The following RAC3 variants were observed in gnomAD, a reference collection of about 807,000 sequenced individuals.
The protein encoded by RAC3 is Rac family small GTPase 3, also known as ras-related C3 botulinum toxin substrate 3.
Under a neutral mutation model 19.0 loss-of-function variants are expected in RAC3, and 9 were observed. The ratio of observed to expected loss-of-function variants is 0.47; its 90% CI spans 0.29 to 0.83. RAC3 has a LOEUF of 0.83. RAC3 is among the 40% of genes least tolerant of loss of function. The pLI, the probability that RAC3 is intolerant of heterozygous loss-of-function variation, is 0.09. For synonymous variants in RAC3, 146 were observed against 111.8 expected, an observed-to-expected ratio of 1.31 and a Z score of -1.93; for missense variants, 203 against 260.8, an observed-to-expected ratio of 0.78 and a Z score of 1.53.
chr17:82,033,410 G>T lies in RAC3; in HGVS notation c.289-30G>T, dbSNP rs754823531. On this transcript the variant is annotated intron_variant, in intron 4 of 5. Coordinates refer to ENST00000306897, the MANE Select transcript of RAC3 (RefSeq NM_005052.3). This position sits in a 1 kb window ranked among gnomAD's most constrained non-coding sequence, Gnocchi z 6.2. ...GTGGGGCTGGGGTAGCCGACTCCGGGCCTAGGGATCAGAGCGTCTGTCCCT... is the reference window on the plus strand; with the variant it reads ...GTGGGGCTGGGGTAGCCGACTCCGGTCCTAGGGATCAGAGCGTCTGTCCCT... 6.4e-6 allele frequency: 10 copies of T among 1,556,766 alleles called. No individual in the cohort carries two copies. The East Asian group carries it at 2.3e-4, about 35-fold the overall frequency.
Position 82,033,102 on chromosome 17 carries a change from C to G in RAC3, c.288+93C>G, listed in dbSNP as rs1271082852. On this transcript the variant is annotated intron_variant, in intron 4 of 5. Coordinates refer to ENST00000306897, the MANE Select transcript of RAC3 (RefSeq NM_005052.3). This position sits in a 1 kb window ranked among gnomAD's most constrained non-coding sequence, Gnocchi z 6.2. ...TTTAGAGGCAATTGCGATACGGGTT[C>G]TGCCTGGGGTAGGCACACGGAGTGG... 1.5e-6 allele frequency: 2 copies of G among 1,362,026 alleles called. No homozygotes were observed. The highest frequency in any genetic ancestry group is 1.4e-5 in the African/African-American group (1 of 69,714). The allele number at this position is 1,362,026 out of a possible 1,614,324, so 84.4% of individuals were successfully genotyped here.
chr17:82,033,544 C>T lies in RAC3; in HGVS notation c.393C>T (p.Asp131=). 6.2e-7 allele frequency: 1 copy of T among 1,612,848 alleles called. No homozygotes were observed. The highest frequency in any genetic ancestry group is 8.5e-7 in the Non-Finnish European group (1 of 1,179,776). ...DDKDTIERLR[D]KKLAPITYPQ... is the part of the protein sequence containing the mutation. The stretch of plus-strand genomic sequence containing the variant: ...AGGACACCATTGAGCGGCTGCGGGA[C>T]AAGAAGCTGGCACCCATCACCTACC... The change falls in exon 5 of 6, where the codon GAC becomes GAT. Residue 131 remains aspartate, a synonymous_variant. Transcript: ENST00000306897. The surrounding 1 kb of genome is among the most constrained non-coding windows in gnomAD (Gnocchi z 6.2).
In RAC3 at chr17:82,033,814, G is replaced by A. The variant is rs2043456830; in HGVS notation, c.564G>A (p.Lys188=). ...CPPPVKKPGK[K]CTVF ...CCCCAGTGAAGAAGCCGGGGAAGAAGTGCACCGTCTTCTAGAGCCCTGGCC... is the reference window on the plus strand; with the variant it reads ...CCCCAGTGAAGAAGCCGGGGAAGAAATGCACCGTCTTCTAGAGCCCTGGCC... Residue 188 remains lysine, a synonymous_variant, in exon 6 of 6, where the codon AAG becomes AAA. Transcript: ENST00000306897. The surrounding 1 kb of genome is among the most constrained non-coding windows in gnomAD (Gnocchi z 6.2). 1 of 1,605,092 alleles carries A rather than the reference G, an allele frequency of 6.2e-7. No individual in the cohort carries two copies. Among genetic ancestry groups the A allele is most frequent in the Non-Finnish European group, 8.5e-7 (1 of 1,176,368 alleles).
intron 1 of RAC3, chr17:82,032,082 G>A (rs2043436342): frequency 1.1e-5 from 4 of 362,296 alleles, no homozygotes; most frequent in Admixed American, 8.7e-5. Context: ...GTGGGGCCAG[G>A]CCTCTCACCT....
At chr17:82,031,823 G>A in intron 1 of RAC3, 27 bp downstream of exon 1, 3 of 982,020 alleles carry the variant, frequency 3.1e-6, no homozygotes, top group Non-Finnish European at 3.6e-6. Context: ...GAGGCCGCTT[G>A]GCTGGGCTGG....
chr17:82,033,532 G>A lies in RAC3; in HGVS notation c.381G>A (p.Glu127=), dbSNP rs145595498. The A allele has an allele frequency of 4.0e-5, 65 of 1,612,934 alleles. No homozygotes were observed. The African/African-American group carries it at 8.1e-4, about 20-fold the overall frequency. Reference sequence around the variant, plus strand: ...TCCGCGACGACAAGGACACCATTGAGCGGCTGCGGGACAAGAAGCTGGCAC... The same window carrying A: ...TCCGCGACGACAAGGACACCATTGAACGGCTGCGGGACAAGAAGCTGGCAC... ...LDLRDDKDTI[E]RLRDKKLAPI... is the part of the protein sequence containing the mutation. Residue 127 remains glutamate (E), a synonymous_variant, in exon 5 of 6, where the codon GAG becomes GAA. Coordinates refer to ENST00000306897, the MANE Select transcript of RAC3 (RefSeq NM_005052.3). This position sits in a 1 kb window ranked among gnomAD's most constrained non-coding sequence, Gnocchi z 6.2.
chr17:82,031,843 G>C, intron 1 of RAC3, 47 bp downstream of exon 1: 1 of 899,514 alleles, frequency 1.1e-6, no homozygotes, highest in Non-Finnish European at 1.3e-6. Flanking sequence ...GGCGGGAGGG[G>C]GGCTCGGGGG....
intron 3 of RAC3, 49 bp from the exon 4 acceptor site, chr17:82,032,898 G>A: frequency 1.2e-6 from 2 of 1,609,968 alleles, no homozygotes; most frequent in South Asian, 1.1e-5. Context: ...AGGGAGCAGG[G>A]CCCTGGGGAG....
At chr17:82,032,480 G>C (rs371297819) in intron 2 of RAC3, 22 bp downstream of exon 2, 8 of 1,610,796 alleles carry the variant, frequency 5.0e-6, no homozygotes, top group Non-Finnish European at 5.1e-6. Flanking sequence ...GGCTTCCCGG[G>C]AGAGCACAGG....
Position 82,033,337 on chromosome 17 carries a change from T to G in RAC3, c.289-103T>G. 1 of 1,311,724 alleles carries G rather than the reference T, an allele frequency of 7.6e-7. No individual in the cohort carries two copies. Among genetic ancestry groups the G allele is most frequent in the Non-Finnish European group, 1.0e-6 (1 of 979,312 alleles). The allele number at this position is 1,311,724 out of a possible 1,614,324, so 81.3% of individuals were successfully genotyped here. ...CCCTTGAAGGAAGAAGAGCCAAGTG[T>G]AGCTCTGGAACAGTGGGGAAAGTCC... On this transcript the variant is annotated intron_variant, in intron 4 of 5. Coordinates refer to ENST00000306897, the MANE Select transcript of RAC3 (RefSeq NM_005052.3). This position sits in a 1 kb window ranked among gnomAD's most constrained non-coding sequence, Gnocchi z 6.2.
Position 82,033,079 on chromosome 17 carries a change from T to C in RAC3, c.288+70T>C. On this transcript the variant is annotated intron_variant, in intron 4 of 5. Coordinates refer to ENST00000306897, the MANE Select transcript of RAC3 (RefSeq NM_005052.3). This position sits in a 1 kb window ranked among gnomAD's most constrained non-coding sequence, Gnocchi z 6.2. ...GTACCTGCCCCGACAAGTTGTCCTTTAGAGGCAATTGCGATACGGGTTCTG... is the reference window on the plus strand; with the variant it reads ...GTACCTGCCCCGACAAGTTGTCCTTCAGAGGCAATTGCGATACGGGTTCTG... The C allele has an allele frequency of 1.6e-5, 23 of 1,472,760 alleles. No homozygotes were observed. Among genetic ancestry groups the C allele is most frequent in the Non-Finnish European group, 1.9e-5 (21 of 1,076,932 alleles). The allele number at this position is 1,472,760 out of a possible 1,614,324, so 91.2% of individuals were successfully genotyped here.
Position 82,033,295 on chromosome 17 carries a change from A to G in RAC3, c.289-145A>G. The G allele has an allele frequency of 1.9e-6, 2 of 1,063,220 alleles. No individual in the cohort carries two copies. Among genetic ancestry groups the G allele is most frequent in the Non-Finnish European group, 2.6e-6 (2 of 759,382 alleles). 65.9% of individuals were successfully genotyped at this position (1,063,220 alleles called of 1,614,324 possible). A position where few individuals can be genotyped will look rare whatever the true frequency, so the allele number is the denominator to read the frequency against. On this transcript the variant is annotated intron_variant, in intron 4 of 5. Transcript: ENST00000306897. The surrounding 1 kb of genome is among the most constrained non-coding windows in gnomAD (Gnocchi z 6.2). ...GTTTGTTCCTGGTATCTCCCCACCAAATCCGCCCCTGGTCACCCCTTGAAG... is the reference window on the plus strand; with the variant it reads ...GTTTGTTCCTGGTATCTCCCCACCAGATCCGCCCCTGGTCACCCCTTGAAG...
chr17:82,032,188 A>G, intron 1 of RAC3, 199 bp from the exon 2 acceptor site: 2 of 593,698 alleles, frequency 3.4e-6, no homozygotes, highest in Non-Finnish European at 6.0e-6. Context: ...CTGCGCCCTT[A>G]TTCACCACCC....
Position 82,032,402 on chromosome 17 carries a change from A to G in RAC3, c.51A>G (p.Thr17=), listed in dbSNP as rs1004679834. Residue 17 remains threonine (T), a synonymous_variant, in exon 2 of 6, where the codon ACA becomes ACG. Transcript: ENST00000306897. Reference sequence around the variant, plus strand: ...CTGTCCGCAGCGCCGTGGGGAAGACATGCTTGCTGATCAGCTACACGACCA... The same window carrying G: ...CTGTCCGCAGCGCCGTGGGGAAGACGTGCTTGCTGATCAGCTACACGACCA... The part of the protein sequence containing the change: ...VVVGDGAVGK[T]CLLISYTTNA... 5.6e-6 allele frequency: 9 copies of G among 1,612,716 alleles called. No homozygotes were observed. The highest frequency in any genetic ancestry group is 7.6e-6 in the Non-Finnish European group (9 of 1,179,892).
Position 82,033,471 on chromosome 17 carries a change from A to T in RAC3, c.320A>T (p.His107Leu). 3.7e-6 allele frequency: 6 copies of T among 1,611,452 alleles called. No homozygotes were observed. The highest frequency in any genetic ancestry group is 5.1e-6 in the Non-Finnish European group (6 of 1,179,130). The change falls in exon 5 of 6, where the codon CAC becomes CTC. Residue 107 changes from histidine to leucine, a missense_variant. Around this residue, in one of 3 missense-constraint regions of RAC3, gnomAD observed 142 missense variants for 158.2 expected, o/e 0.90. Coordinates refer to ENST00000306897, the MANE Select transcript of RAC3 (RefSeq NM_005052.3). The surrounding 1 kb of genome is among the most constrained non-coding windows in gnomAD (Gnocchi z 6.2). ...CCGGAGGTGCGGCACCACTGCCCCCACACGCCCATCCTCCTGGTGGGCACC... is the reference window on the plus strand; with the variant it reads ...CCGGAGGTGCGGCACCACTGCCCCCTCACGCCCATCCTCCTGGTGGGCACC... ...WYPEVRHHCP[H>L]TPILLVGTKL...
rs577283929 is a variant in RAC3 at position 82,033,064 on chromosome 17, C to T, written c.288+55C>T. ...AGAGGGCTTGCCCCAGTACCTGCCC[C>T]GACAAGTTGTCCTTTAGAGGCAATT... On this transcript the variant is annotated intron_variant, in intron 4 of 5. Transcript: ENST00000306897. The surrounding 1 kb of genome is among the most constrained non-coding windows in gnomAD (Gnocchi z 6.2). 214 of 1,543,812 alleles carry T rather than the reference C, an allele frequency of 1.4e-4. No homozygotes were observed. The highest frequency in any genetic ancestry group is 1.4e-3 in the Middle Eastern group (8 of 5,840).
rs768444885 is a variant in RAC3, at chr17:82,033,894, T to G, written c.*65T>G. On this transcript the variant is annotated 3_prime_UTR_variant, in exon 6 of 6. Coordinates refer to ENST00000306897, the MANE Select transcript of RAC3 (RefSeq NM_005052.3). This position sits in a 1 kb window ranked among gnomAD's most constrained non-coding sequence, Gnocchi z 6.2. ...GCCCTGGACGTGTCCGCTGTTGTGT[T>G]GAGACGTGTGGTGTCCCTGAGTCGG... 6.5e-5 allele frequency: 98 copies of G among 1,518,850 alleles called. No homozygotes were observed. Among genetic ancestry groups the G allele is most frequent in the Non-Finnish European group, 8.0e-5 (90 of 1,127,740 alleles). The allele number at this position is 1,518,850 out of a possible 1,614,324, so 94.1% of individuals were successfully genotyped here. A position where few individuals can be genotyped will look rare whatever the true frequency, so the allele number is the denominator to read the frequency against.
Position 82,033,915 on chromosome 17 carries a change from GTC to G in RAC3, c.*87_*88del. 3 of 1,483,058 alleles carry G rather than the reference GTC, an allele frequency of 2.0e-6. No homozygotes were observed. In the South Asian group the frequency reaches 3.8e-5, roughly 19 times the overall value. 91.9% of individuals were successfully genotyped at this position (1,483,058 alleles called of 1,614,324 possible). A position where few individuals can be genotyped will look rare whatever the true frequency, so the allele number is the denominator to read the frequency against. ...GTGTTGAGACGTGTGGTGTCCCTGAGTCGGCTGTGGGGAGCGGTGGGGGTGGG... is the reference window on the plus strand; with the variant it reads ...GTGTTGAGACGTGTGGTGTCCCTGAGGGCTGTGGGGAGCGGTGGGGGTGGG... On this transcript the variant is annotated 3_prime_UTR_variant, in exon 6 of 6. Transcript: ENST00000306897. This position sits in a 1 kb window ranked among gnomAD's most constrained non-coding sequence, Gnocchi z 6.2.
chr17:82,032,759 C>T lies in RAC3; in HGVS notation c.156C>T (p.Asn52=), dbSNP rs144973128. Residue 52 remains asparagine (N), a synonymous_variant, in exon 3 of 6, where the codon AAC becomes AAT. Coordinates refer to ENST00000306897, the MANE Select transcript of RAC3 (RefSeq NM_005052.3). ...ANVMVDGKPV[N]LGLWDTAGQE... The stretch of plus-strand genomic sequence containing the variant: ...TGATGGTGGACGGGAAACCAGTCAA[C>T]TTGGGGCTGTGGGACACAGCGGGTC... The T allele has an allele frequency of 1.2e-4, 188 of 1,613,156 alleles. No individual in the cohort carries two copies. Among genetic ancestry groups the T allele is most frequent in the Non-Finnish European group, 1.4e-4 (160 of 1,179,994 alleles).
Sources: gnomAD v4.1 joint callset for allele counts on GRCh38, gnomAD v4.1.1 for gene constraint, gnomAD v4.1.1 regional missense constraint, Gnocchi (gnomAD v3.1) non-coding constraint, MANE v1.5 for transcripts, NCBI Gene and HGNC (gene_info 2026-07-23, HGNC 2026-07-21) for gene names.